The following SNTG1 variants were observed in gnomAD, a reference collection of about 807,000 sequenced individuals.
The protein encoded by SNTG1 is gamma-1-syntrophin.
A neutral mutation model predicts 74.7 loss-of-function variants in SNTG1; 39 were observed. The ratio of observed to expected loss-of-function variants is 0.52; its 90% CI spans 0.40 to 0.68. SNTG1 has a LOEUF of 0.68. Among genes scored for constraint, SNTG1 ranks in the 30% least tolerant of loss-of-function variants. The pLI is 0.00. For missense variants in SNTG1, 685 were observed against 609.5 expected (o/e 1.12, Z -1.30); for synonymous variants, 254 against 217.1 (o/e 1.17, Z -1.49).
intron 1 of SNTG1, among the ~76,000 whole-genome samples, chr8:50,124,667 G>T (rs746172124): frequency 7.1e-6 from 1 of 141,226 alleles, no homozygotes; most frequent in South Asian, 2.7e-4. Context: ...CAAATTATTG[G>T]TGAATAAGAC....
intron 1 of SNTG1, among the ~76,000 whole-genome samples, chr8:50,035,147 A>G (rs1277555041): frequency 6.6e-6 from 1 of 152,044 alleles, no homozygotes. Context: ...TCCTGAAATC[A>G]CCCTCATTGG....
intron 1 of SNTG1, among the ~76,000 whole-genome samples, chr8:50,046,922 T>C (rs1819139068): frequency 6.6e-6 from 1 of 152,220 alleles, no homozygotes; most frequent in African/African-American, 2.4e-5. Flanking sequence ...ATTAGTTTTG[T>C]TCCAGTTACA....
intron 1 of SNTG1, among the ~76,000 whole-genome samples, chr8:49,938,602 C>CTTTTTTTTT (rs371390753): frequency 2.5e-4 from 2 of 8,114 alleles, no homozygotes; most frequent in Admixed American, 2.1e-3. Flanking sequence ...CTTTTCTTTT[C>CTTTTTTTTT]TTTTCTTTCT....
intron 1 of SNTG1, among the ~76,000 whole-genome samples, chr8:50,143,766 A>C (rs2081757732): frequency 6.6e-6 from 1 of 152,220 alleles, no homozygotes; most frequent in Admixed American, 6.5e-5. Context: ...CATATTCCTG[A>C]GTACAACCTC....
chr8:50,719,363 G>T (rs2095482295), intron 17 of SNTG1, among the ~76,000 whole-genome samples: 1 of 152,116 alleles, frequency 6.6e-6, no homozygotes. Flanking sequence ...CTTCTGCCAC[G>T]GGAGAAGGCA....
intron 1 of SNTG1, among the ~76,000 whole-genome samples, chr8:50,171,433 T>C (rs149321788): frequency 6.7e-4 from 102 of 152,212 alleles, no homozygotes; most frequent in Non-Finnish European, 1.5e-5. Flanking sequence ...TAAGCCAGTC[T>C]AGTCTTTTCA....
chr8:50,333,356 G>A (rs974482261), intron 2 of SNTG1, among the ~76,000 whole-genome samples: 1 of 152,214 alleles, frequency 6.6e-6, no homozygotes, highest in Non-Finnish European at 1.5e-5. Context: ...TTGTTTGCAA[G>A]TATTTTCCTG....
intron 15 of SNTG1, among the ~76,000 whole-genome samples, chr8:50,691,373 G>T (rs529057833): frequency 2.6e-5 from 4 of 152,136 alleles, no homozygotes; most frequent in African/African-American, 9.7e-5. Context: ...GCATATTTTT[G>T]CAGTGGCTGG....
chr8:50,414,768 T>A (rs1661542561), intron 4 of SNTG1, among the ~76,000 whole-genome samples: 1 of 152,054 alleles, frequency 6.6e-6, no homozygotes, highest in Admixed American at 6.6e-5. Context: ...TGTGGGTGTG[T>A]TTGTGGAAAA....
At chr8:50,568,717 G>A (rs968501866) in intron 12 of SNTG1, among the ~76,000 whole-genome samples, 2 of 151,916 alleles carry the variant, frequency 1.3e-5, no homozygotes, top group South Asian at 2.1e-4. Context: ...AATATTCTGG[G>A]TATTAACTCC....
intron 17 of SNTG1, among the ~76,000 whole-genome samples, chr8:50,744,501 G>A (rs768147093): frequency 1.1e-4 from 17 of 151,826 alleles, no homozygotes; most frequent in Non-Finnish European, 1.9e-4. Context: ...ATGATACAAC[G>A]CAGTCCTCAT....
rs573132963 is a variant in SNTG1 at position 50,705,582 on chromosome 8, T to C, written c.1191+830T>C. 7.2e-5 allele frequency among the ~76,000 whole-genome samples: 11 copies of C among 152,292 alleles called. No individual in the cohort carries two copies. The East Asian group carries it at 7.7e-4, about 11-fold the overall frequency. Reference sequence around the variant, plus strand: ...TTTATTTGTCTTTTTTTTTTAAGGATTGCACACACTCAGTCTGTTTTGTAT... The same window carrying C: ...TTTATTTGTCTTTTTTTTTTAAGGACTGCACACACTCAGTCTGTTTTGTAT... On this transcript the variant is annotated intron_variant, in intron 16 of 18. Transcript: ENST00000642720.
At chr8:50,554,972 T>C (rs2094447578) in intron 12 of SNTG1, among the ~76,000 whole-genome samples, 1 of 152,176 alleles carries the variant, frequency 6.6e-6, no homozygotes, top group Non-Finnish European at 1.5e-5. Flanking sequence ...CTAGGAATAT[T>C]GTCATGCCAT....
At chr8:50,029,816 G>A (rs559191486) in intron 1 of SNTG1, among the ~76,000 whole-genome samples, 21 of 152,152 alleles carry the variant, frequency 1.4e-4, no homozygotes, top group East Asian at 3.9e-4. Flanking sequence ...ACACAGGAGC[G>A]TAGATATCTC....
At chr8:50,201,397 C>T (rs1174203075) in intron 2 of SNTG1, among the ~76,000 whole-genome samples, 1 of 152,188 alleles carries the variant, frequency 6.6e-6, no homozygotes, top group Non-Finnish European at 1.5e-5. Context: ...ACACATTCCA[C>T]ACAAAGTTTT....
chr8:50,427,518 T>G (rs1332342606), intron 4 of SNTG1, among the ~76,000 whole-genome samples: 1 of 152,146 alleles, frequency 6.6e-6, no homozygotes, highest in Non-Finnish European at 1.5e-5. Flanking sequence ...AGCCTCAAAC[T>G]ATTTGGTTCA....
chr8:49,949,016 G>A (rs915142998), intron 1 of SNTG1, among the ~76,000 whole-genome samples: 1 of 152,084 alleles, frequency 6.6e-6, no homozygotes, highest in African/African-American at 2.4e-5. Flanking sequence ...CTCACCCACT[G>A]GATTTCAATT....
chr8:49,920,556 TA>T (rs1053117019), intron 1 of SNTG1, among the ~76,000 whole-genome samples: 6 of 151,724 alleles, frequency 4.0e-5, no homozygotes, highest in African/African-American at 1.5e-4. Flanking sequence ...AAAAAACAAA[TA>T]AACAACAACA....
intron 1 of SNTG1, among the ~76,000 whole-genome samples, chr8:50,074,336 C>T (rs1207029050): frequency 6.6e-6 from 1 of 152,148 alleles, no homozygotes; most frequent in Non-Finnish European, 1.5e-5. Context: ...TATGGCCTTG[C>T]TGTGGATTAG....
Sources: gnomAD v4.1 joint callset for allele counts (sites outside exome capture counted in the v4.1 genomes callset) on GRCh38, gnomAD v4.1.1 for gene constraint, MANE v1.5 for transcripts, NCBI Gene and HGNC (gene_info 2026-07-23, HGNC 2026-07-21) for gene names.